The following CXCL14 variants were observed in gnomAD, a reference collection of about 807,000 sequenced individuals.
The protein encoded by CXCL14 is C-X-C motif chemokine ligand 14.
Under a neutral mutation model 16.1 loss-of-function variants are expected in CXCL14, and 9 were observed. That is an observed-to-expected ratio of 0.56 (90% CI 0.34 to 0.97). The LOEUF (loss-of-function observed/expected upper bound fraction) is 0.97. CXCL14 is among the 50% of genes least tolerant of loss of function. The pLI, the probability that CXCL14 is intolerant of heterozygous loss-of-function variation, is 0.02. For synonymous variants in CXCL14, 55 were observed against 52.8 expected (o/e 1.04, Z -0.18); for missense variants, 111 against 132.5 (o/e 0.84, Z 0.80).
At chr5:135,574,742 T>C in intron 2 of CXCL14, 57 bp from the exon 3 acceptor site, 2 of 1,414,544 alleles carry the variant, frequency 1.4e-6, no homozygotes, top group South Asian at 2.3e-5. Flanking sequence ...ATGTTGCCTC[T>C]TGTGTGGCCT....
In CXCL14 at chr5:135,571,550, T is replaced by G. The variant is rs1561740073; in HGVS notation, c.*303A>C. The G allele has an allele frequency of 5.0e-6, 2 of 401,406 alleles. No individual in the cohort carries two copies. Among genetic ancestry groups the G allele is most frequent in the Non-Finnish European group, 8.8e-6 (2 of 226,860 alleles). The allele number at this position is 401,406 out of a possible 1,614,324, so 24.9% of individuals were successfully genotyped here. On this transcript the variant is annotated 3_prime_UTR_variant, in exon 4 of 4. Coordinates refer to ENST00000512158, the MANE Select transcript of CXCL14 (RefSeq NM_004887.5). ...ATGGACAAATACAAAAAAGCATTTTTTAAAAAGGAAAGGCATGAGTTTTCC... is the reference window on the plus strand; with the variant it reads ...ATGGACAAATACAAAAAAGCATTTTGTAAAAAGGAAAGGCATGAGTTTTCC...
intron 1 of CXCL14, 88 bp from the exon 2 acceptor site, chr5:135,578,627 G>A (rs1751159234): frequency 1.3e-6 from 2 of 1,589,872 alleles, no homozygotes; most frequent in Admixed American, 3.5e-5. Context: ...CACCCCCCGC[G>A]GGATCCCAGG....
At chr5:135,576,013 T>G (rs1342994295) in intron 2 of CXCL14, among the ~76,000 whole-genome samples, 1 of 152,222 alleles carries the variant, frequency 6.6e-6, no homozygotes, top group Non-Finnish European at 1.5e-5. Context: ...AGTCTCCCAG[T>G]TGATGGGGAA....
At chr5:135,578,632 C>A (rs1580695938) in intron 1 of CXCL14, 83 bp downstream of exon 1, 3 of 1,589,324 alleles carry the variant, frequency 1.9e-6, no homozygotes, top group South Asian at 1.1e-5. Context: ...CCCGCGGGAT[C>A]CCAGGATGCC....
In CXCL14 at chr5:135,570,951, T is replaced by G. The variant is rs939911066; in HGVS notation, c.*902A>C. On this transcript the variant is annotated 3_prime_UTR_variant, in exon 4 of 4. Coordinates refer to ENST00000512158, the MANE Select transcript of CXCL14 (RefSeq NM_004887.5). ...ACAAATATATTGCTTTAGTACTGCA[T>G]GTTCTGTTGTGGTGAGGGAAAGAAA... 1.3e-5 allele frequency: 2 copies of G among 152,216 alleles called. No homozygotes were observed. The highest frequency in any genetic ancestry group is 4.8e-5 in the African/African-American group (2 of 41,446). The allele number at this position is 152,216 out of a possible 1,614,324, so 9.4% of individuals were successfully genotyped here.
Position 135,578,879 on chromosome 5 carries a change from C to A in CXCL14, c.-101G>T. 7.8e-7 allele frequency: 1 copy of A among 1,285,330 alleles called. No homozygotes were observed. 79.6% of individuals were successfully genotyped at this position (1,285,330 alleles called of 1,614,324 possible). A position where few individuals can be genotyped will look rare whatever the true frequency, so the allele number is the denominator to read the frequency against. ...GCCACCCAGCTCTGCTCGGCTTTCTCTGCCCGGGGCGCGCCTTCCGGCTCT... is the reference window on the plus strand; with the variant it reads ...GCCACCCAGCTCTGCTCGGCTTTCTATGCCCGGGGCGCGCCTTCCGGCTCT... On this transcript the variant is annotated 5_prime_UTR_variant, in exon 1 of 4. Transcript: ENST00000512158.
intron 3 of CXCL14, 122 bp downstream of exon 3, chr5:135,574,450 G>A: frequency 1.4e-6 from 1 of 706,030 alleles, no homozygotes; most frequent in Non-Finnish European, 2.5e-6. Flanking sequence ...GTTTGCTGTG[G>A]ATGTTGTGGT....
At chr5:135,578,590 CTCGACCACCT>C (rs1751157970) in intron 1 of CXCL14, 51 bp from the exon 2 acceptor site, 1 of 1,601,948 alleles carries the variant, frequency 6.2e-7, no homozygotes. Flanking sequence ...TCTCCTGCCC[CTCGACCACCT>C]TGGTGCCCAC....
Position 135,578,891 on chromosome 5 carries a change from C to T in CXCL14, c.-113G>A. 8.4e-7 allele frequency: 1 copy of T among 1,184,436 alleles called. No homozygotes were observed. Among genetic ancestry groups the T allele is most frequent in the East Asian group, 3.0e-5 (1 of 33,706 alleles). The allele number at this position is 1,184,436 out of a possible 1,614,324, so 73.4% of individuals were successfully genotyped here. ...TGCTCGGCTTTCTCTGCCCGGGGCG[C>T]GCCTTCCGGCTCTGCTGGCTCCGGC... On this transcript the variant is annotated 5_prime_UTR_variant, in exon 1 of 4. Coordinates refer to ENST00000512158, the MANE Select transcript of CXCL14 (RefSeq NM_004887.5).
At chr5:135,574,012 C>G (rs1341495421) in intron 3 of CXCL14, among the ~76,000 whole-genome samples, 2 of 152,196 alleles carry the variant, frequency 1.3e-5, no homozygotes, top group African/African-American at 4.8e-5. Flanking sequence ...TTTTAAAGAG[C>G]CAAACCTGTG....
At position 135,571,493 on chromosome 5, in the gene CXCL14, G is replaced by A; in HGVS notation, c.*360C>T. ...TCCACCAAGCTCATTGTTCCTCCCG[G>A]GCGCTTATAAAGCTCAGATGTATAG... On this transcript the variant is annotated 3_prime_UTR_variant, in exon 4 of 4. Coordinates refer to ENST00000512158, the MANE Select transcript of CXCL14 (RefSeq NM_004887.5). The A allele has an allele frequency of 4.6e-6, 1 of 216,886 alleles. No homozygotes were observed. The highest frequency in any genetic ancestry group is 1.2e-4 in the East Asian group (1 of 8,430). 13.4% of individuals were successfully genotyped at this position (216,886 alleles called of 1,614,324 possible). A position where few individuals can be genotyped will look rare whatever the true frequency, so the allele number is the denominator to read the frequency against.
At chr5:135,578,676 C>T in intron 1 of CXCL14, 39 bp downstream of exon 1, 1 of 1,558,262 alleles carries the variant, frequency 6.4e-7, no homozygotes, top group South Asian at 1.2e-5. Flanking sequence ...CAGGACAGGA[C>T]AAGACGAGAC....
chr5:135,572,459 G>A (rs1751043049), intron 3 of CXCL14, among the ~76,000 whole-genome samples: 1 of 152,154 alleles, frequency 6.6e-6, no homozygotes, highest in Non-Finnish European at 1.5e-5. Context: ...GGTGCAGGAG[G>A]CCTGTGCCCC....
chr5:135,574,472 T>C, intron 3 of CXCL14, 100 bp downstream of exon 3: 1 of 848,286 alleles, frequency 1.2e-6, no homozygotes, highest in Middle Eastern at 3.4e-4. Context: ...GGTGTTCACA[T>C]ATTAGATGGG....
At chr5:135,576,384 T>G (rs1179630738) in intron 2 of CXCL14, among the ~76,000 whole-genome samples, 1 of 152,214 alleles carries the variant, frequency 6.6e-6, no homozygotes, top group African/African-American at 2.4e-5. Flanking sequence ...AAAAACCCTT[T>G]CTCAGTTAGG....
chr5:135,577,315 C>T (rs1751117918), intron 2 of CXCL14, among the ~76,000 whole-genome samples: 1 of 152,172 alleles, frequency 6.6e-6, no homozygotes, highest in African/African-American at 2.4e-5. Flanking sequence ...CACTTGGCCC[C>T]CACCCAAAAG....
rs1036771214 is a variant in CXCL14 at position 135,578,920 on chromosome 5, G to T, written c.-142C>A. ...TTCCGGCTCTGCTGGCTCCGGCTGC[G>T]CCGTCGGTGGATGCCCAGGGCTGTC... On this transcript the variant is annotated 5_prime_UTR_variant, in exon 1 of 4. Coordinates refer to ENST00000512158, the MANE Select transcript of CXCL14 (RefSeq NM_004887.5). The T allele has an allele frequency of 6.8e-6, 6 of 886,708 alleles. No individual in the cohort carries two copies. Among genetic ancestry groups the T allele is most frequent in the Non-Finnish European group, 9.6e-6 (6 of 622,034 alleles). The allele number at this position is 886,708 out of a possible 1,614,324, so 54.9% of individuals were successfully genotyped here. A position where few individuals can be genotyped will look rare whatever the true frequency, so the allele number is the denominator to read the frequency against.
intron 1 of CXCL14, 86 bp from the exon 2 acceptor site, chr5:135,578,625 G>A (rs1355875329): frequency 7.0e-5 from 111 of 1,590,618 alleles, no homozygotes; most frequent in Admixed American, 1.2e-4. Flanking sequence ...ACCACCCCCC[G>A]CGGGATCCCA....
chr5:135,578,186 C>T (rs1751143579), intron 2 of CXCL14, among the ~76,000 whole-genome samples: 1 of 152,156 alleles, frequency 6.6e-6, no homozygotes, highest in Non-Finnish European at 1.5e-5. Flanking sequence ...GGAGACTGCT[C>T]ATTTGAATCC....
Sources: gnomAD v4.1 joint callset for allele counts (sites outside exome capture counted in the v4.1 genomes callset) on GRCh38, gnomAD v4.1.1 for gene constraint, MANE v1.5 for transcripts, NCBI Gene and HGNC (gene_info 2026-07-23, HGNC 2026-07-21) for gene names.